CNOT1: variants seen among roughly 807,000 people sequenced by gnomAD.
CNOT1 encodes CCR4-associated factor 1.
Under a neutral mutation model 273.8 loss-of-function variants are expected in CNOT1, and 15 were observed. The ratio of observed to expected loss-of-function variants is 0.05; its 90% confidence interval spans 0.04 to 0.08. CNOT1 has a LOEUF of 0.08. Ranked by LOEUF, CNOT1 falls within the 10% of genes least tolerant of loss-of-function variation. The pLI is 1.00. For missense variants in CNOT1, 1,644 were observed against 2,912.2 expected, an observed-to-expected ratio of 0.56 and a Z score of 10.02; for synonymous variants, 1,022 against 1,005.5, an observed-to-expected ratio of 1.02 and a Z score of -0.31.
chr16:58,612,438 T>C (rs1175884313), intron 1 of CNOT1, among the ~76,000 whole-genome samples: 1 of 152,144 alleles, frequency 6.6e-6, no homozygotes, highest in Non-Finnish European at 1.5e-5. Flanking sequence ...TTTCTGCAAT[T>C]ATGAAAATGT....
chr16:58,568,695 A>T (rs1011576566), intron 16 of CNOT1, among the ~76,000 whole-genome samples: 10 of 151,876 alleles, frequency 6.6e-5, no homozygotes, highest in Admixed American at 5.2e-4. Context: ...TAAAAAAAAG[A>T]GAGAAAAAAA....
Position 58,528,418 on chromosome 16 carries a change from A to C in CNOT1, c.6453+57T>G, listed in dbSNP as rs1000900366. The C allele has an allele frequency of 4.8e-6, 6 of 1,254,738 alleles. No homozygotes were observed. In the Admixed American group the frequency reaches 1.1e-4, roughly 22 times the overall value. The allele number at this position is 1,254,738 out of a possible 1,614,324, so 77.7% of individuals were successfully genotyped here. ...GAAAGTGCTGAACAGTCTACTTATC[A>C]GAGAAAGGACTGAAATATTAAGACA... On this transcript the variant is annotated intron_variant, in intron 44 of 48. Coordinates refer to ENST00000317147, the MANE Select transcript of CNOT1 (RefSeq NM_016284.5).
chr16:58,546,430 A>G lies in CNOT1; in HGVS notation c.3897T>C (p.Pro1299=). The part of the protein sequence containing the change: ...NLALDINELK[P]GNLLKDKDRL... The stretch of plus-strand genomic sequence containing the variant: ...GATCTTTATCCTTTAGGAGGTTTCC[A>G]GGTTTTAGCTCATTGATGTCTAATG... Residue 1299 remains proline, a synonymous_variant, in exon 29 of 49, where the codon CCT becomes CCC. Transcript: ENST00000317147. 2 of 1,613,990 alleles carry G rather than the reference A, an allele frequency of 1.2e-6. No individual in the cohort carries two copies. Among genetic ancestry groups the G allele is most frequent in the Non-Finnish European group, 1.7e-6 (2 of 1,179,938 alleles).
intron 2 of CNOT1, among the ~76,000 whole-genome samples, chr16:58,592,333 A>G (rs2042091492): frequency 6.6e-6 from 1 of 152,134 alleles, no homozygotes; most frequent in African/African-American, 2.4e-5. Flanking sequence ...TTACTGCAAA[A>G]CTGACTTAAA....
intron 14 of CNOT1, 28 bp downstream of exon 14, chr16:58,576,435 T>G (rs1439337212): frequency 6.2e-7 from 1 of 1,613,504 alleles, no homozygotes; most frequent in East Asian, 2.2e-5. Context: ...GTAAATAAAC[T>G]GGTGTCAGTC....
chr16:58,570,101 GA>G (rs1039295354), intron 16 of CNOT1, among the ~76,000 whole-genome samples: 61 of 152,262 alleles, frequency 4.0e-4, no homozygotes, highest in African/African-American at 1.5e-3. Flanking sequence ...AATGTTCAAA[GA>G]AAAGGAATGC....
Position 58,545,459 on chromosome 16 carries a change from A to G in CNOT1, c.4039T>C (p.Cys1347Arg). The G allele has an allele frequency of 6.2e-7, 1 of 1,614,110 alleles. No individual in the cohort carries two copies. The highest frequency in any genetic ancestry group is 8.5e-7 in the Non-Finnish European group (1 of 1,179,958). ...TSTTPATNTT[C>R]TATVPPQPQY... ...GGCTGTGGTGGAACCGTGGCTGTAC[A>G]AGTGGTGTTGGTAGCTGGTGTAGTA... The change falls in exon 30 of 49, where the codon TGT (cysteine) becomes CGT (arginine). Residue 1347 changes from cysteine to arginine, a missense_variant. Around this residue, in one of 13 missense-constraint regions of CNOT1, gnomAD observed 52 missense variants for 50.2 expected, o/e 1.04. Coordinates refer to ENST00000317147, the MANE Select transcript of CNOT1 (RefSeq NM_016284.5).
chr16:58,543,322 T>C, intron 31 of CNOT1: 2 of 1,548,724 alleles, frequency 1.3e-6, no homozygotes, highest in South Asian at 1.2e-5. Context: ...TTGTCAGATA[T>C]CACATTTCCT....
Position 58,596,851 on chromosome 16 carries a change from G to A in CNOT1, c.102+2385C>T, listed in dbSNP as rs1350568949. Among the ~76,000 whole-genome samples the A allele has an allele frequency of 2.4e-5, 3 of 125,258 alleles. 1 individual carries two copies. Among genetic ancestry groups the A allele is most frequent in the African/African-American group, 6.3e-5 (2 of 31,858 alleles). The allele number at this position is 125,258 out of a possible 152,430, so 82.2% of individuals were successfully genotyped here. A position where few individuals can be genotyped will look rare whatever the true frequency, so the allele number is the denominator to read the frequency against. On this transcript the variant is annotated intron_variant, in intron 2 of 48. Coordinates refer to ENST00000317147, the MANE Select transcript of CNOT1 (RefSeq NM_016284.5). Reference sequence around the variant, plus strand: ...TGCAGTGAGCCAAGATCGCGCCACTGCACTCCAGCCTGGGCGACAAAGTGA... The same window carrying A: ...TGCAGTGAGCCAAGATCGCGCCACTACACTCCAGCCTGGGCGACAAAGTGA...
chr16:58,541,460 T>C, intron 34 of CNOT1, 41 bp downstream of exon 34: 1 of 1,590,436 alleles, frequency 6.3e-7, no homozygotes, highest in Non-Finnish European at 8.6e-7. Flanking sequence ...AACATTTAAA[T>C]TAATTGGCAA....
At chr16:58,628,758 T>C (rs2043690846) in intron 1 of CNOT1, among the ~76,000 whole-genome samples, 1 of 152,224 alleles carries the variant, frequency 6.6e-6, no homozygotes, top group South Asian at 2.1e-4. Context: ...AAGTTTGTCA[T>C]AAAGTTTATT....
rs375866263 is a variant in CNOT1, at chr16:58,586,650, T to C, written c.532A>G (p.Ile178Val). Reference protein sequence around the residue: ...NQEGGFQDIAIEVLHLLLSHL... With the variant: ...NQEGGFQDIAVEVLHLLLSHL... ...GAGAGGAGGAGGTGTAGGACCTCTA[T>C]TGCTATATCTTGGAAGCCACCTTCT... Residue 178 changes from isoleucine to valine, a missense_variant, in exon 7 of 49, where the codon ATA becomes GTA. Physicochemically the swap from Ile to Val is conservative, Grantham distance 29 (BLOSUM62 3). This residue lies in a region of CNOT1 where 706 missense variants were observed against 1,021.2 expected (regional missense o/e 0.69). Coordinates refer to ENST00000317147, the MANE Select transcript of CNOT1 (RefSeq NM_016284.5). The C allele has an allele frequency of 1.9e-4, 314 of 1,613,100 alleles. No homozygotes were observed. Among genetic ancestry groups the C allele is most frequent in the Non-Finnish European group, 2.6e-4 (306 of 1,179,878 alleles).
intron 21 of CNOT1, among the ~76,000 whole-genome samples, chr16:58,554,241 G>A (rs1049404625): frequency 6.6e-6 from 1 of 151,554 alleles, no homozygotes; most frequent in Non-Finnish European, 1.5e-5. Context: ...ACGTAGTAAC[G>A]TAAGTCTCAA....
At chr16:58,573,049 G>A (rs1051933757) in intron 16 of CNOT1, among the ~76,000 whole-genome samples, 1 of 151,964 alleles carries the variant, frequency 6.6e-6, no homozygotes, top group South Asian at 2.1e-4. Flanking sequence ...GTTCACACAT[G>A]TAAGCCCAGC....
At chr16:58,627,403 CAAAAAAAAA>C (rs754338444) in intron 1 of CNOT1, among the ~76,000 whole-genome samples, 2 of 65,164 alleles carry the variant, frequency 3.1e-5, no homozygotes, top group African/African-American at 7.2e-5. Context: ...GACTCCATCT[CAAAAAAAAA>C]AAAAAAAAAA....
At chr16:58,551,037 T>A in intron 24 of CNOT1, 95 bp downstream of exon 24, 1 of 1,547,616 alleles carries the variant, frequency 6.5e-7, no homozygotes, top group South Asian at 1.3e-5. Context: ...TTATTACCTC[T>A]ACCTTTAAAG....
At chr16:58,595,110 TC>T (rs1300811567) in intron 2 of CNOT1, among the ~76,000 whole-genome samples, 1 of 144,458 alleles carries the variant, frequency 6.9e-6, no homozygotes, top group African/African-American at 2.6e-5. Flanking sequence ...TGAGACTCCG[TC>T]AAAAAAAAAA....
intron 1 of CNOT1, among the ~76,000 whole-genome samples, chr16:58,622,739 C>G (rs973193199): frequency 6.7e-6 from 1 of 150,292 alleles, no homozygotes; most frequent in Non-Finnish European, 1.5e-5. Context: ...CCCACCTACT[C>G]GGGAGGCTGA....
At chr16:58,545,606 G>A in intron 29 of CNOT1, 115 bp from the exon 30 acceptor site, 1 of 1,504,794 alleles carries the variant, frequency 6.6e-7, no homozygotes, top group Non-Finnish European at 8.9e-7. Flanking sequence ...AATTGGGAGA[G>A]GAGGGAAGGA....
Sources: gnomAD v4.1 joint callset for allele counts (sites outside exome capture counted in the v4.1 genomes callset) on GRCh38, gnomAD v4.1.1 for gene constraint, gnomAD v4.1.1 regional missense constraint, MANE v1.5 for transcripts, NCBI Gene and HGNC (gene_info 2026-07-23, HGNC 2026-07-21) for gene names.